CEP162: variants seen among roughly 807,000 people sequenced by gnomAD.
CEP162 encodes centrosomal protein of 162 kDa.
In CEP162, 141 loss-of-function variants were observed where a neutral mutation model predicts 169.2. That is an observed-to-expected ratio of 0.83 (90% CI 0.73 to 0.96). The LOEUF (loss-of-function observed/expected upper bound fraction) is 0.96, where lower values mean the gene tolerates loss of function less well. Ranked by LOEUF, CEP162 falls within the 40% of genes least tolerant of loss-of-function variation. CEP162 has a pLI of 0.00. For missense variants in CEP162, 1,600 were observed against 1,587.2 expected, an observed-to-expected ratio of 1.01 and a Z score of -0.14; for synonymous variants, 540 against 526.4, an observed-to-expected ratio of 1.03 and a Z score of -0.35.
chr6:84,183,571 A>T (rs183969376), intron 13 of CEP162, among the ~76,000 whole-genome samples: 64 of 152,172 alleles, frequency 4.2e-4, no homozygotes, highest in South Asian at 1.9e-3. Flanking sequence ...CCTCACTAGG[A>T]CTCACAGTCA....
rs145110416 is a variant in CEP162 at position 84,225,366 on chromosome 6, T to C, written c.57+971A>G. Among the ~76,000 whole-genome samples the C allele has an allele frequency of 1.5e-4, 23 of 152,294 alleles. No homozygotes were observed. In the East Asian group the frequency reaches 4.4e-3, roughly 29 times the overall value. On this transcript the variant is annotated intron_variant, in intron 2 of 26. Coordinates refer to ENST00000403245, the MANE Select transcript of CEP162 (RefSeq NM_014895.4). The stretch of plus-strand genomic sequence containing the variant: ...AATCCTGCAGGCAACTGTAACACAA[T>C]GGCAAGCATTTCTGTATCTAAACAT...
intron 21 of CEP162, among the ~76,000 whole-genome samples, chr6:84,158,881 T>C (rs993437952): frequency 3.9e-5 from 6 of 151,916 alleles, no homozygotes; most frequent in Admixed American, 1.3e-4. Flanking sequence ...TTTTTAATAT[T>C]ATTCTTTGGT....
At chr6:84,185,982 G>A (rs894471976) in intron 12 of CEP162, among the ~76,000 whole-genome samples, 6 of 151,828 alleles carry the variant, frequency 4.0e-5, no homozygotes, top group Non-Finnish European at 5.9e-5. Flanking sequence ...CCTATAAAAC[G>A]CCAACTTAAA....
rs1469666993 is a variant in CEP162 at position 84,214,937 on chromosome 6, A to AT, written c.503+344dup. Among the ~76,000 whole-genome samples, 10 of 151,886 alleles carry AT rather than the reference A, an allele frequency of 6.6e-5. No homozygotes were observed. In the East Asian group the frequency reaches 1.7e-3, roughly 26 times the overall value. On this transcript the variant is annotated intron_variant, in intron 5 of 26. Transcript: ENST00000403245. Reference sequence around the variant, plus strand: ...CTTGGTTCCCACTTCCCTTTCTGTTATTTTTTTTCCTGAGTTTATAATGGT... The same window carrying AT: ...CTTGGTTCCCACTTCCCTTTCTGTTATTTTTTTTTCCTGAGTTTATAATGGT...
intron 13 of CEP162, among the ~76,000 whole-genome samples, chr6:84,178,278 T>C (rs1317533103): frequency 6.6e-6 from 1 of 152,118 alleles, no homozygotes. Context: ...TTTTTTTAAG[T>C]CCTTATCTTT....
chr6:84,135,950 A>G (rs1243962501), intron 25 of CEP162, among the ~76,000 whole-genome samples: 1 of 152,224 alleles, frequency 6.6e-6, no homozygotes, highest in Admixed American at 6.5e-5. Flanking sequence ...AACTATTGGC[A>G]TAAGTCTTCC....
intron 6 of CEP162, among the ~76,000 whole-genome samples, chr6:84,210,269 C>A (rs2099548915): frequency 6.6e-6 from 1 of 152,120 alleles, no homozygotes; most frequent in Non-Finnish European, 1.5e-5. Flanking sequence ...GTAAAAGAAC[C>A]TTTTGGAAGA....
intron 2 of CEP162, among the ~76,000 whole-genome samples, chr6:84,223,058 G>A (rs2099554330): frequency 1.3e-5 from 2 of 151,954 alleles, no homozygotes; most frequent in African/African-American, 2.4e-5. Context: ...CATAGGCATG[G>A]TACTACTGAC....
chr6:84,173,860 T>C (rs2099531187), intron 16 of CEP162, among the ~76,000 whole-genome samples, 188 bp downstream of exon 16: 1 of 151,766 alleles, frequency 6.6e-6, no homozygotes. Context: ...ATTTTTTTTA[T>C]TTTTAGTAGA....
intron 25 of CEP162, among the ~76,000 whole-genome samples, chr6:84,137,471 T>C (rs2129190146): frequency 6.6e-6 from 1 of 152,230 alleles, no homozygotes; most frequent in East Asian, 1.9e-4. Flanking sequence ...GCCACAATAG[T>C]CCCTGGGGTC....
At chr6:84,149,067 G>C (rs1419117279) in intron 24 of CEP162, among the ~76,000 whole-genome samples, 1 of 152,118 alleles carries the variant, frequency 6.6e-6, no homozygotes, top group Non-Finnish European at 1.5e-5. Flanking sequence ...CTCCATCAGA[G>C]CAAGAGCTGT....
chr6:84,189,423 G>A (rs991193425), intron 11 of CEP162, among the ~76,000 whole-genome samples: 7 of 152,342 alleles, frequency 4.6e-5, no homozygotes, highest in African/African-American at 1.7e-4. Flanking sequence ...GCCAGCTGGA[G>A]TTCCGGGTGG....
chr6:84,177,191 C>T (rs1453786013), intron 13 of CEP162, among the ~76,000 whole-genome samples: 2 of 152,178 alleles, frequency 1.3e-5, no homozygotes, highest in Non-Finnish European at 2.9e-5. Context: ...GCCCATCCTC[C>T]AGCCTCATCT....
At chr6:84,153,257 T>C in intron 22 of CEP162, 78 bp from the exon 23 acceptor site, 1 of 1,269,850 alleles carries the variant, frequency 7.9e-7, no homozygotes, top group Non-Finnish European at 1.1e-6. Flanking sequence ...CACTACTGGG[T>C]CCTACCTAAT....
intron 25 of CEP162, among the ~76,000 whole-genome samples, chr6:84,133,654 C>A (rs1032365329): frequency 6.6e-6 from 1 of 152,188 alleles, no homozygotes; most frequent in African/African-American, 2.4e-5. Flanking sequence ...GGGCATTGGA[C>A]CCTCTGAGCC....
At chr6:84,144,678 A>C (rs1183389414) in intron 25 of CEP162, among the ~76,000 whole-genome samples, 1 of 152,110 alleles carries the variant, frequency 6.6e-6, no homozygotes, top group Non-Finnish European at 1.5e-5. Flanking sequence ...GGTTCACAGA[A>C]GTGCTAACCC....
At chr6:84,181,454 T>C (rs1349845259) in intron 13 of CEP162, among the ~76,000 whole-genome samples, 2 of 152,200 alleles carry the variant, frequency 1.3e-5, no homozygotes, top group African/African-American at 2.4e-5. Flanking sequence ...AAGGACTTCA[T>C]GTCTAAAACA....
intron 13 of CEP162, among the ~76,000 whole-genome samples, chr6:84,176,056 C>T (rs2099532291): frequency 1.3e-5 from 2 of 152,106 alleles, no homozygotes; most frequent in Non-Finnish European, 2.9e-5. Flanking sequence ...AAGAACAGTA[C>T]CTAAAAAGGA....
At chr6:84,198,978 T>C (rs1425257553) in intron 9 of CEP162, among the ~76,000 whole-genome samples, 1 of 152,232 alleles carries the variant, frequency 6.6e-6, no homozygotes, top group Non-Finnish European at 1.5e-5. Flanking sequence ...GTAATTATAA[T>C]ATTTTAAATA....
Sources: gnomAD v4.1 joint callset for allele counts (sites outside exome capture counted in the v4.1 genomes callset) on GRCh38, gnomAD v4.1.1 for gene constraint, MANE v1.5 for transcripts, NCBI Gene and HGNC (gene_info 2026-07-23, HGNC 2026-07-21) for gene names.